The following CDK3 variants were observed in gnomAD, a reference collection of about 807,000 sequenced individuals.
CDK3 encodes cyclin dependent kinase 3.
Under a neutral mutation model 30.2 loss-of-function variants are expected in CDK3, and 24 were observed. The ratio of observed to expected loss-of-function variants is 0.79; its 90% CI spans 0.57 to 1.12. CDK3 has a LOEUF of 1.12. Ranked by LOEUF, CDK3 falls within the 50% of genes most tolerant of loss-of-function variation. The pLI is 0.00. For synonymous variants in CDK3, 158 were observed against 154.2 expected, an observed-to-expected ratio of 1.02 and a Z score of -0.18; for missense variants, 345 against 376.0, an observed-to-expected ratio of 0.92 and a Z score of 0.68.
At position 76,001,756 on chromosome 17, in the gene CDK3, G is replaced by T; in HGVS notation, c.117-118G>T. On this transcript the variant is annotated intron_variant, in intron 2 of 7. Coordinates refer to ENST00000448471, the MANE Select transcript of CDK3 (RefSeq NM_001258.4). The surrounding 1 kb of genome is among the most constrained non-coding windows in gnomAD (Gnocchi z 6.2). ...GTGGATGACGTGCCAAGGAGCACAG[G>T]TCTCCATTGCCGGGGCCCTGGTCAT... is the stretch of plus-strand genomic sequence containing the variant. 9.7e-7 allele frequency: 1 copy of T among 1,031,398 alleles called. No homozygotes were observed. The highest frequency in any genetic ancestry group is 1.4e-6 in the Non-Finnish European group (1 of 710,314). The allele number at this position is 1,031,398 out of a possible 1,614,324, so 63.9% of individuals were successfully genotyped here.
chr17:76,002,704 A>G lies in CDK3; in HGVS notation c.588+92A>G. On this transcript the variant is annotated intron_variant, in intron 6 of 7. Transcript: ENST00000448471. This position sits in a 1 kb window ranked among gnomAD's most constrained non-coding sequence, Gnocchi z 4.3. ...CCACTGATGCTCCCATTCGAGGCGG[A>G]TTAAAGAGTGTTTGGGGCTGGACAT... is the stretch of plus-strand genomic sequence containing the variant. The G allele has an allele frequency of 1.4e-6, 1 of 732,026 alleles. No homozygotes were observed. Among genetic ancestry groups the G allele is most frequent in the Non-Finnish European group, 2.5e-6 (1 of 396,652 alleles). The allele number at this position is 732,026 out of a possible 1,614,324, so 45.3% of individuals were successfully genotyped here. A position where few individuals can be genotyped will look rare whatever the true frequency, so the allele number is the denominator to read the frequency against.
chr17:76,003,244 T>C lies in CDK3; in HGVS notation c.638T>C (p.Phe213Ser). The part of the protein sequence containing the change: ...FPGDSEIDQL[F>S]RIFRMLGTPS... Reference sequence around the variant, plus strand: ...GGTGACTCTGAGATTGACCAGCTCTTTCGTATCTTTCGTATGCTGGGGACA... The same window carrying C: ...GGTGACTCTGAGATTGACCAGCTCTCTCGTATCTTTCGTATGCTGGGGACA... Residue 213 changes from phenylalanine to serine, a missense_variant, in exon 7 of 8, where the codon TTT becomes TCT. Transcript: ENST00000448471. 6.2e-7 allele frequency: 1 copy of C among 1,614,174 alleles called. No individual in the cohort carries two copies. Among genetic ancestry groups the C allele is most frequent in the Non-Finnish European group, 8.5e-7 (1 of 1,180,030 alleles).
chr17:76,000,884 C>T lies in CDK3; in HGVS notation c.-98C>T. The T allele has an allele frequency of 1.9e-6, 2 of 1,051,210 alleles. No homozygotes were observed. The highest frequency in any genetic ancestry group is 1.8e-4 in the East Asian group (2 of 11,186). 65.1% of individuals were successfully genotyped at this position (1,051,210 alleles called of 1,614,324 possible). A position where few individuals can be genotyped will look rare whatever the true frequency, so the allele number is the denominator to read the frequency against. On this transcript the variant is annotated 5_prime_UTR_variant, in exon 1 of 8. Coordinates refer to ENST00000448471, the MANE Select transcript of CDK3 (RefSeq NM_001258.4). The surrounding 1 kb of genome is among the most constrained non-coding windows in gnomAD (Gnocchi z 5.9). Reference sequence around the variant, plus strand: ...CCTCCTGACCCCTGACCTCTGCCCCCAGTGGCCCTGGCCCCTGGGCAGCCC... The same window carrying T: ...CCTCCTGACCCCTGACCTCTGCCCCTAGTGGCCCTGGCCCCTGGGCAGCCC...
In CDK3 at chr17:76,002,777, T is replaced by C; in HGVS notation, c.588+165T>C. 2 of 597,186 alleles carry C rather than the reference T, an allele frequency of 3.3e-6. No homozygotes were observed. Among genetic ancestry groups the C allele is most frequent in the Non-Finnish European group, 6.0e-6 (2 of 333,706 alleles). 37.0% of individuals were successfully genotyped at this position (597,186 alleles called of 1,614,324 possible). ...ACTTTGGGAGGCTGAGATGGGAGGA[T>C]GGCTTGAGCCCAGGAGTTTGAGACC... is the stretch of plus-strand genomic sequence containing the variant. On this transcript the variant is annotated intron_variant, in intron 6 of 7. Transcript: ENST00000448471. The surrounding 1 kb of genome is among the most constrained non-coding windows in gnomAD (Gnocchi z 4.3).
chr17:76,005,275 T>C lies in CDK3; in HGVS notation c.793-23T>C. 1 of 1,611,802 alleles carries C rather than the reference T, an allele frequency of 6.2e-7. No individual in the cohort carries two copies. Among genetic ancestry groups the C allele is most frequent in the Non-Finnish European group, 8.5e-7 (1 of 1,178,598 alleles). ...CCACCCTGGCTGCACCCAGACCACA[T>C]CTTCTTCCTTCTTTCTTCCTAGCAA... On this transcript the variant is annotated intron_variant, in intron 7 of 7. Transcript: ENST00000448471. The surrounding 1 kb of genome is among the most constrained non-coding windows in gnomAD (Gnocchi z 4.7).
At position 76,005,204 on chromosome 17, in the gene CDK3, G is replaced by T; in HGVS notation, c.793-94G>T. Reference sequence around the variant, plus strand: ...TTCTGGGTTTGAGGGCAGCCAATTTGGGGCCCAGGCCCTTGATCTGGGACC... The same window carrying T: ...TTCTGGGTTTGAGGGCAGCCAATTTTGGGCCCAGGCCCTTGATCTGGGACC... On this transcript the variant is annotated intron_variant, in intron 7 of 7. Transcript: ENST00000448471. This position sits in a 1 kb window ranked among gnomAD's most constrained non-coding sequence, Gnocchi z 4.7. 1 of 1,493,970 alleles carries T rather than the reference G, an allele frequency of 6.7e-7. No individual in the cohort carries two copies. Among genetic ancestry groups the T allele is most frequent in the South Asian group, 1.3e-5 (1 of 77,874 alleles). 92.5% of individuals were successfully genotyped at this position (1,493,970 alleles called of 1,614,324 possible).
chr17:76,005,559 C>T lies in CDK3; in HGVS notation c.*136C>T. On this transcript the variant is annotated 3_prime_UTR_variant, in exon 8 of 8. Coordinates refer to ENST00000448471, the MANE Select transcript of CDK3 (RefSeq NM_001258.4). This position sits in a 1 kb window ranked among gnomAD's most constrained non-coding sequence, Gnocchi z 4.7. ...AGCATCAGCCTGCAGAGGGCTGAGT[C>T]TGGGTTAGTCCTGCCCGCAGGTTAG... The T allele has an allele frequency of 9.0e-7, 1 of 1,113,258 alleles. No individual in the cohort carries two copies. Among genetic ancestry groups the T allele is most frequent in the South Asian group, 1.5e-5 (1 of 65,340 alleles). 69.0% of individuals were successfully genotyped at this position (1,113,258 alleles called of 1,614,324 possible). A position where few individuals can be genotyped will look rare whatever the true frequency, so the allele number is the denominator to read the frequency against.
Position 76,001,811 on chromosome 17 carries a change from C to T in CDK3, c.117-63C>T. ...TGGGGTTAAGGAGAAGCCGATCCCC[C>T]TGGCTGGAAGTGCCCTTCTTGGCCC... On this transcript the variant is annotated intron_variant, in intron 2 of 7. Transcript: ENST00000448471. This position sits in a 1 kb window ranked among gnomAD's most constrained non-coding sequence, Gnocchi z 6.2. 1 of 1,498,686 alleles carries T rather than the reference C, an allele frequency of 6.7e-7. No individual in the cohort carries two copies. 92.8% of individuals were successfully genotyped at this position (1,498,686 alleles called of 1,614,324 possible).
rs201655552 is a variant in CDK3 at position 76,002,405 on chromosome 17, C to A, written c.473C>A (p.Thr158Asn). 6.2e-7 allele frequency: 1 copy of A among 1,612,358 alleles called. No individual in the cohort carries two copies. Among genetic ancestry groups the A allele is most frequent in the Non-Finnish European group, 8.5e-7 (1 of 1,179,920 alleles). ...LARAFGVPLRTYTHEVVTLWY... is the reference protein window; with the variant it reads ...LARAFGVPLRNYTHEVVTLWY... ...CGCGCCTTCGGGGTGCCCCTGCGCA[C>A]CTACACCCATGAGGTATTGTGAGAC... Residue 158 changes from threonine (T) to asparagine (N), a missense_variant, in exon 5 of 8, where the codon ACC becomes AAC. Transcript: ENST00000448471. The surrounding 1 kb of genome is among the most constrained non-coding windows in gnomAD (Gnocchi z 4.3).
At chr17:76,003,752 T>C (rs1046515827) in intron 7 of CDK3, among the ~76,000 whole-genome samples, 5 of 151,924 alleles carry the variant, frequency 3.3e-5, no homozygotes, top group Non-Finnish European at 5.9e-5. Flanking sequence ...TTTTCTTTTC[T>C]TTTTTTTGAG....
intron 7 of CDK3, 49 bp downstream of exon 7, chr17:76,003,447 A>G: frequency 1.3e-6 from 2 of 1,505,940 alleles, no homozygotes; most frequent in Non-Finnish European, 1.8e-6. Context: ...GTTTCCCCTC[A>G]TCAGCCAGCC....
chr17:76,001,410 A>G lies in CDK3; in HGVS notation c.-14-2A>G, dbSNP rs1327581898. The G allele has an allele frequency of 1.2e-6, 2 of 1,614,002 alleles. No homozygotes were observed. Among genetic ancestry groups the G allele is most frequent in the East Asian group, 4.5e-5 (2 of 44,872 alleles). ...AATTGCCCGGTGCCTTCTGTTTCCC[A>G]GGCAGCTCTGTGGCCATGGATATGT... On this transcript the variant is annotated splice_acceptor_variant, in intron 1 of 7. Coordinates refer to ENST00000448471, the MANE Select transcript of CDK3 (RefSeq NM_001258.4). LOFTEE classifies it low-confidence loss of function (5UTR_SPLICE). This position sits in a 1 kb window ranked among gnomAD's most constrained non-coding sequence, Gnocchi z 6.2.
Position 76,001,626 on chromosome 17 carries a change from T to C in CDK3, c.116+85T>C. ...CTGATCCGTTCCCTCTTTCCTGGAG[T>C]CCACGTTTAACTCCTCTGGGTGCTG... On this transcript the variant is annotated intron_variant, in intron 2 of 7. Coordinates refer to ENST00000448471, the MANE Select transcript of CDK3 (RefSeq NM_001258.4). This position sits in a 1 kb window ranked among gnomAD's most constrained non-coding sequence, Gnocchi z 6.2. The C allele has an allele frequency of 1.6e-6, 2 of 1,213,590 alleles. No homozygotes were observed. The highest frequency in any genetic ancestry group is 2.4e-6 in the Non-Finnish European group (2 of 841,910). The allele number at this position is 1,213,590 out of a possible 1,614,324, so 75.2% of individuals were successfully genotyped here. A position where few individuals can be genotyped will look rare whatever the true frequency, so the allele number is the denominator to read the frequency against.
chr17:76,004,219 G>GTTTTGTTTT (rs1555622998), intron 7 of CDK3, among the ~76,000 whole-genome samples: 4 of 92,296 alleles, frequency 4.3e-5, no homozygotes, highest in African/African-American at 1.5e-4. Flanking sequence ...AGAACCGTCT[G>GTTTTGTTTT]TTTTTTTTTT....
At chr17:76,004,219 G>GTTTTTTTTGTTT (rs71361702) in intron 7 of CDK3, among the ~76,000 whole-genome samples, 1 of 92,322 alleles carries the variant, frequency 1.1e-5, no homozygotes, top group Non-Finnish European at 1.9e-5. Context: ...AGAACCGTCT[G>GTTTTTTTTGTTT]TTTTTTTTTT....
At position 76,001,771 on chromosome 17, in the gene CDK3, G is replaced by A; in HGVS notation, c.117-103G>A. The A allele has an allele frequency of 8.7e-7, 1 of 1,154,752 alleles. No individual in the cohort carries two copies. Among genetic ancestry groups the A allele is most frequent in the Admixed American group, 2.3e-5 (1 of 43,078 alleles). 71.5% of individuals were successfully genotyped at this position (1,154,752 alleles called of 1,614,324 possible). A position where few individuals can be genotyped will look rare whatever the true frequency, so the allele number is the denominator to read the frequency against. ...AGGAGCACAGGTCTCCATTGCCGGG[G>A]CCCTGGTCATTCTGTGGGGTTAAGG... On this transcript the variant is annotated intron_variant, in intron 2 of 7. Coordinates refer to ENST00000448471, the MANE Select transcript of CDK3 (RefSeq NM_001258.4). This position sits in a 1 kb window ranked among gnomAD's most constrained non-coding sequence, Gnocchi z 6.2.
chr17:76,003,945 C>T lies in CDK3; in HGVS notation c.792+547C>T, dbSNP rs375504972. ...TTTTTTTTTAGTAGAGACAGGGTTTCACCATGTTGGCCAGACTGGTCTTGA... is the reference window on the plus strand; with the variant it reads ...TTTTTTTTTAGTAGAGACAGGGTTTTACCATGTTGGCCAGACTGGTCTTGA... On this transcript the variant is annotated intron_variant, in intron 7 of 7. Transcript: ENST00000448471. Among the ~76,000 whole-genome samples, 6 of 152,002 alleles carry T rather than the reference C, an allele frequency of 3.9e-5. No individual in the cohort carries two copies. In the East Asian group the frequency reaches 9.7e-4, roughly 25 times the overall value.
chr17:76,004,219 G>GT lies in CDK3; in HGVS notation c.792+838dup, dbSNP rs59029490. 2.1e-3 allele frequency among the ~76,000 whole-genome samples: 191 copies of GT among 92,286 alleles called. 8 individuals are homozygous for GT. In the East Asian group the frequency reaches 0.022, roughly 11 times the overall value. 60.5% of individuals were successfully genotyped at this position (92,286 alleles called of 152,430 possible). A position where few individuals can be genotyped will look rare whatever the true frequency, so the allele number is the denominator to read the frequency against. On this transcript the variant is annotated intron_variant, in intron 7 of 7. Coordinates refer to ENST00000448471, the MANE Select transcript of CDK3 (RefSeq NM_001258.4). ...CAGGAAGTCTCTGGCAGAACCGTCT[G>GT]TTTTTTTTTTTTTTTTTGAGACAGG...
intron 7 of CDK3, chr17:76,004,644 T>G (rs1399742462): frequency 6.6e-6 from 1 of 152,580 alleles, no homozygotes; most frequent in Non-Finnish European, 1.5e-5. Flanking sequence ...TGTGAGCCAC[T>G]GCGCCCGTCC....
Sources: allele counts gnomAD v4.1 joint callset (sites outside exome capture counted in the v4.1 genomes callset), GRCh38; gene constraint gnomAD v4.1.1; non-coding constraint Gnocchi (gnomAD v3.1); transcripts MANE v1.5; gene names NCBI Gene and HGNC (gene_info 2026-07-23, HGNC 2026-07-21).